Variants in WDPCP observed in about 807,000 individuals in gnomAD.
WDPCP encodes WD repeat containing planar cell polarity effector.
A neutral mutation model predicts 93.1 loss-of-function variants in WDPCP; 71 were observed. The ratio of observed to expected loss-of-function variants is 0.76; its 90% confidence interval spans 0.63 to 0.93. The LOEUF (loss-of-function observed/expected upper bound fraction) is 0.93. Among genes scored for constraint, WDPCP ranks in the 40% least tolerant of loss-of-function variants. WDPCP has a pLI of 0.00. For synonymous variants in WDPCP, 315 were observed against 315.0 expected (o/e 1.00, Z 0.00); for missense variants, 844 against 887.4 (o/e 0.95, Z 0.62).
intron 17 of WDPCP, among the ~76,000 whole-genome samples, chr2:63,130,340 T>C (rs1013481825): frequency 7.2e-5 from 11 of 152,180 alleles, no homozygotes; most frequent in African/African-American, 1.2e-4. Flanking sequence ...GACATCCTGT[T>C]TTCCCAGCAA....
intron 14 of WDPCP, among the ~76,000 whole-genome samples, chr2:63,198,646 C>G (rs1343076705): frequency 6.6e-6 from 1 of 152,170 alleles, no homozygotes; most frequent in African/African-American, 2.4e-5. Flanking sequence ...CCTTCACTCT[C>G]TTCCTCCTGC....
chr2:63,269,002 C>A (rs2699388), intron 13 of WDPCP, among the ~76,000 whole-genome samples: 122,955 of 152,038 alleles, frequency 0.81, 50,494 homozygotes, highest in East Asian at 0.96. Context: ...AGAGAGCCAT[C>A]ATGAAACATT....
In WDPCP at chr2:63,741,310, AT is replaced by A. The variant is rs762466109; in HGVS notation, n.308+72311del. Among the ~76,000 whole-genome samples the A allele has an allele frequency of 2.8e-4, 42 of 151,850 alleles. No homozygotes were observed. In the Middle Eastern group the frequency reaches 0.01, roughly 37 times the overall value. On this transcript the variant is annotated intron_variant and non_coding_transcript_variant, in intron 2 of 4. Coordinates refer to the WDPCP transcript ENST00000467687. ...TCTCAGGTCCCTCGGACCTTCTTTG[AT>A]TTATTTTTTTTTTCAGGCTCATTTA...
At chr2:63,277,845 G>T (rs189801902) in intron 13 of WDPCP, among the ~76,000 whole-genome samples, 1 of 152,110 alleles carries the variant, frequency 6.6e-6, no homozygotes, top group Non-Finnish European at 1.5e-5. Context: ...TAAACAGGTC[G>T]TCAAGACAGA....
chr2:63,182,460 T>C (rs1454572405), intron 14 of WDPCP, among the ~76,000 whole-genome samples: 3 of 152,106 alleles, frequency 2.0e-5, no homozygotes, highest in Non-Finnish European at 4.4e-5. Context: ...TACTTGAGTA[T>C]GTTGAACTAT....
intron 1 of WDPCP, among the ~76,000 whole-genome samples, chr2:63,585,165 C>T (rs1296781546): frequency 6.6e-6 from 1 of 152,094 alleles, no homozygotes; most frequent in Non-Finnish European, 1.5e-5. Flanking sequence ...CTCATTGAGA[C>T]TACAGTTTTA....
chr2:63,263,561 G>C (rs1479400021), intron 13 of WDPCP, among the ~76,000 whole-genome samples: 1 of 152,098 alleles, frequency 6.6e-6, no homozygotes, highest in African/African-American at 2.4e-5. Flanking sequence ...CTCTAGAGCT[G>C]TTAACTGAAT....
At chr2:63,283,305 C>T (rs771654894) in intron 13 of WDPCP, among the ~76,000 whole-genome samples, 1 of 152,104 alleles carries the variant, frequency 6.6e-6, no homozygotes, top group Non-Finnish European at 1.5e-5. Context: ...AAGCCCCTTG[C>T]GTCACTAGGA....
At chr2:63,503,437 C>T (rs978451821) in intron 1 of WDPCP, among the ~76,000 whole-genome samples, 1 of 151,940 alleles carries the variant, frequency 6.6e-6, no homozygotes, top group Admixed American at 6.6e-5. Flanking sequence ...TTTCCATGAC[C>T]TCAAAAAATA....
At chr2:63,442,835 C>T (rs928233060) in intron 6 of WDPCP, 3 of 152,056 alleles carry the variant, frequency 2.0e-5, no homozygotes, top group African/African-American at 7.2e-5. Flanking sequence ...TATGTATGAG[C>T]GTTTGTTATA....
At chr2:63,350,451 G>A (rs1689513503) in intron 12 of WDPCP, among the ~76,000 whole-genome samples, 1 of 146,000 alleles carries the variant, frequency 6.8e-6, no homozygotes, top group Non-Finnish European at 1.5e-5. Context: ...AAAGAAAATA[G>A]GAAATAGAGA....
chr2:63,180,421 T>C (rs1674155220), intron 14 of WDPCP, among the ~76,000 whole-genome samples: 1 of 152,146 alleles, frequency 6.6e-6, no homozygotes, highest in African/African-American at 2.4e-5. Flanking sequence ...AGCTCTCACT[T>C]GTGAGAACAT....
At chr2:63,487,538 C>A (rs2105920723) in intron 2 of WDPCP, 44 bp from the exon 3 acceptor site, 1 of 1,456,706 alleles carries the variant, frequency 6.9e-7, no homozygotes, top group Non-Finnish European at 9.6e-7. Context: ...TTTAAAAGTC[C>A]CAGAGAATAA....
At chr2:63,174,936 T>C in intron 14 of WDPCP, 104 bp from the exon 15 acceptor site, 1 of 1,287,496 alleles carries the variant, frequency 7.8e-7, no homozygotes. Context: ...CAGTGGAACT[T>C]TTTTCTTTGT....
chr2:63,786,496 G>A lies in WDPCP; in HGVS notation n.308+27126C>T, dbSNP rs112858258. The stretch of plus-strand genomic sequence containing the variant: ...GGAAAAATTTTAAGGTCTAGAATTT[G>A]TTCACAATACTGCCAGTGCCATATG... On this transcript the variant is annotated intron_variant and non_coding_transcript_variant, in intron 2 of 4. Transcript: ENST00000467687. Among the ~76,000 whole-genome samples the A allele has an allele frequency of 5.1e-3, 769 of 152,266 alleles. 6 individuals carry two copies. The highest frequency in any genetic ancestry group is 0.014 in the Middle Eastern group (4 of 292).
intron 9 of WDPCP, among the ~76,000 whole-genome samples, chr2:63,416,302 T>G (rs1314071747): frequency 3.3e-5 from 5 of 149,878 alleles, no homozygotes; most frequent in Non-Finnish European, 7.4e-5. Flanking sequence ...CGGGTTCAAG[T>G]GATTCTCCTG....
chr2:63,776,347 A>G (rs567191003), intron 2 of WDPCP, among the ~76,000 whole-genome samples: 5 of 151,902 alleles, frequency 3.3e-5, no homozygotes, highest in South Asian at 4.2e-4. Flanking sequence ...ATGAATTGCC[A>G]TTTCACCAAA....
chr2:63,687,537 G>A (rs1231808797), intron 2 of WDPCP, among the ~76,000 whole-genome samples: 1 of 152,052 alleles, frequency 6.6e-6, no homozygotes, highest in Non-Finnish European at 1.5e-5. Context: ...GTGCATAGAC[G>A]TTTCTCAAAA....
intron 3 of WDPCP, chr2:63,595,628 T>G: frequency 1.4e-6 from 1 of 693,332 alleles, no homozygotes; most frequent in South Asian, 1.8e-5. Context: ...ATAAGAGGAT[T>G]TTTTTATTTT....
Sources: allele counts gnomAD v4.1 joint callset (sites outside exome capture counted in the v4.1 genomes callset), GRCh38; gene constraint gnomAD v4.1.1; transcripts MANE v1.5; gene names NCBI Gene and HGNC (gene_info 2026-07-23, HGNC 2026-07-21).